FLI1: variants seen among roughly 807,000 people sequenced by gnomAD.
FLI1 encodes the protein Fli-1 proto-oncogene, ETS transcription factor.
Under a neutral mutation model 53.1 loss-of-function variants are expected in FLI1, and 13 were observed. That is an observed-to-expected ratio of 0.24 (90% CI 0.16 to 0.39). FLI1 has a LOEUF of 0.39. FLI1 is among the 10% of genes least tolerant of loss of function. The pLI is 1.00. For synonymous variants in FLI1, 244 were observed against 236.7 expected (o/e 1.03, Z -0.28); for missense variants, 424 against 600.5 (o/e 0.71, Z 3.07).
intron 8 of FLI1, among the ~76,000 whole-genome samples, chr11:128,809,818 C>G (rs1471020830): frequency 6.6e-6 from 1 of 152,144 alleles, no homozygotes; most frequent in Non-Finnish European, 1.5e-5. Flanking sequence ...CTCTGCCTAC[C>G]CATTCCTTAG....
intron 3 of FLI1, among the ~76,000 whole-genome samples, chr11:128,768,688 CAAAAA>C (rs34066469): frequency 6.4e-5 from 5 of 77,774 alleles, no homozygotes; most frequent in Admixed American, 1.4e-4. Flanking sequence ...GACTCTGTCT[CAAAAA>C]AAAAAAAAAA....
chr11:128,689,813 G>A (rs1177562923), upstream of FLI1, among the ~76,000 whole-genome samples: 1 of 152,196 alleles, frequency 6.6e-6, no homozygotes, highest in Non-Finnish European at 1.5e-5. Context: ...CAGCGACGCC[G>A]CGTGGTCTGG....
chr11:128,753,067 A>C (rs1940717063), intron 1 of FLI1, among the ~76,000 whole-genome samples: 1 of 152,194 alleles, frequency 6.6e-6, no homozygotes, highest in African/African-American at 2.4e-5. Context: ...ATTGGGTACA[A>C]ATGTGCTGGG....
intron 1 of FLI1, among the ~76,000 whole-genome samples, chr11:128,745,294 C>T (rs1940331449): frequency 6.6e-6 from 1 of 152,110 alleles, no homozygotes; most frequent in Non-Finnish European, 1.5e-5. Flanking sequence ...AAAGGAGGAG[C>T]AGAATGAAAT....
chr11:128,757,079 TCTTTC>T (rs1940913144), intron 1 of FLI1, among the ~76,000 whole-genome samples: 1 of 146,592 alleles, frequency 6.8e-6, no homozygotes, highest in African/African-American at 2.7e-5. Context: ...TTTCTTTCTT[TCTTTC>T]TTTCTTTCTT....
intron 2 of FLI1, among the ~76,000 whole-genome samples, chr11:128,760,310 G>C (rs553792324): frequency 6.6e-6 from 1 of 152,106 alleles, no homozygotes; most frequent in Admixed American, 6.5e-5. Flanking sequence ...GTTGGAGCCC[G>C]AACCCAGGCG....
chr11:128,790,223 C>T (rs1438039667), intron 5 of FLI1, among the ~76,000 whole-genome samples: 1 of 148,154 alleles, frequency 6.7e-6, no homozygotes, highest in Non-Finnish European at 1.5e-5. Context: ...GTTCTGTCTG[C>T]TTTCTATCTG....
chr11:128,690,924 G>A (rs908751762), upstream of FLI1, among the ~76,000 whole-genome samples: 6 of 152,198 alleles, frequency 3.9e-5, no homozygotes, highest in Admixed American at 3.9e-4. Context: ...GTCTGGGAAA[G>A]GGCGAGGCCA....
intron 1 of FLI1, among the ~76,000 whole-genome samples, chr11:128,698,082 C>T (rs372340026): frequency 4.1e-4 from 63 of 152,248 alleles, no homozygotes; most frequent in African/African-American, 1.5e-3. Context: ...AATGGACAAG[C>T]ACAGCCCGAA....
chr11:128,740,135 C>T (rs1565475757), intron 1 of FLI1, among the ~76,000 whole-genome samples: 1 of 152,102 alleles, frequency 6.6e-6, no homozygotes, highest in Non-Finnish European at 1.5e-5. Flanking sequence ...AGGCCTGTAG[C>T]GGGAGTTGGA....
intron 1 of FLI1, among the ~76,000 whole-genome samples, chr11:128,750,119 T>C (rs1400326768): frequency 6.6e-6 from 1 of 152,246 alleles, no homozygotes. Flanking sequence ...GTGCTCCCTG[T>C]GGTGACCCTG....
chr11:128,766,013 C>T (rs946971812), intron 2 of FLI1, among the ~76,000 whole-genome samples: 1 of 152,128 alleles, frequency 6.6e-6, no homozygotes, highest in Non-Finnish European at 1.5e-5. Flanking sequence ...CATATGTGTG[C>T]ACGTGTTCTC....
intron 1 of FLI1, among the ~76,000 whole-genome samples, chr11:128,698,756 A>C (rs1191463626): frequency 7.1e-6 from 1 of 140,762 alleles, no homozygotes; most frequent in East Asian, 2.0e-4. Flanking sequence ...GAGAGAGAGA[A>C]GTCTTTAAAA....
chr11:128,771,939 G>A (rs1941573719), intron 3 of FLI1, among the ~76,000 whole-genome samples: 1 of 152,052 alleles, frequency 6.6e-6, no homozygotes, highest in Admixed American at 6.6e-5. Flanking sequence ...GAAGAGATGG[G>A]CTTCAGACTG....
At chr11:128,790,435 G>C (rs1942239724) in intron 5 of FLI1, among the ~76,000 whole-genome samples, 1 of 152,112 alleles carries the variant, frequency 6.6e-6, no homozygotes, top group African/African-American at 2.4e-5. Context: ...CGGGAACTTA[G>C]CCAGCCCGCC....
rs551730118 is a variant in FLI1 at position 128,773,724 on chromosome 11, T to C, written c.589+739T>C. On this transcript the variant is annotated intron_variant, in intron 4 of 8. Coordinates refer to ENST00000527786, the MANE Select transcript of FLI1 (RefSeq NM_002017.5). ...CAGAAGAATGGAATTATTTTAGTCC[T>C]GCTGGTAACCTCAGCCTGAGTGCCC... 7.9e-5 allele frequency among the ~76,000 whole-genome samples: 12 copies of C among 151,724 alleles called. No individual in the cohort carries two copies. The South Asian group carries it at 2.5e-3, about 32-fold the overall frequency.
At chr11:128,700,338 A>G (rs1255562262) in intron 1 of FLI1, among the ~76,000 whole-genome samples, 1 of 152,210 alleles carries the variant, frequency 6.6e-6, no homozygotes, top group Admixed American at 6.5e-5. Context: ...TCTGGGTTTC[A>G]AGCCCAGTGT....
At chr11:128,742,024 G>T (rs191374135) in intron 1 of FLI1, among the ~76,000 whole-genome samples, 1 of 152,078 alleles carries the variant, frequency 6.6e-6, no homozygotes, top group Non-Finnish European at 1.5e-5. Flanking sequence ...ACATAGCATC[G>T]TTCCTACCAT....
chr11:128,723,430 C>A (rs1365426478), intron 1 of FLI1, among the ~76,000 whole-genome samples: 2 of 152,022 alleles, frequency 1.3e-5, no homozygotes, highest in Non-Finnish European at 2.9e-5. Flanking sequence ...CATCAGAAAC[C>A]CAAGAAGCAT....
Sources: gnomAD v4.1 joint callset for allele counts (sites outside exome capture counted in the v4.1 genomes callset) on GRCh38, gnomAD v4.1.1 for gene constraint, MANE v1.5 for transcripts, NCBI Gene and HGNC (gene_info 2026-07-23, HGNC 2026-07-21) for gene names.